The following XYLT1 variants were observed in gnomAD, a reference collection of about 807,000 sequenced individuals.
XYLT1 encodes beta-D-xylosyltransferase 1.
XYLT1 carries 36 observed loss-of-function variants against 91.3 expected under a neutral mutation model. The ratio of observed to expected loss-of-function variants is 0.39; its 90% CI spans 0.30 to 0.52. The LOEUF is 0.52. Ranked by LOEUF, XYLT1 falls within the 20% of genes least tolerant of loss-of-function variation. The probability of loss-of-function intolerance (pLI) is 0.68; values close to 1 mark genes in which losing one functional copy is unlikely to be tolerated. For synonymous variants in XYLT1, 588 were observed against 532.0 expected (o/e 1.11, Z -1.45); for missense variants, 1,242 against 1,284.5 (o/e 0.97, Z 0.51).
intron 6 of XYLT1, among the ~76,000 whole-genome samples, chr16:17,151,192 G>A (rs1320335087): frequency 6.6e-5 from 10 of 152,164 alleles, no homozygotes; most frequent in Non-Finnish European, 1.2e-4. Context: ...TTGGGAGGCC[G>A]AGGCAGGCGG....
intron 5 of XYLT1, among the ~76,000 whole-genome samples, chr16:17,160,958 A>G (rs1289844661): frequency 6.6e-6 from 1 of 152,148 alleles, no homozygotes; most frequent in Non-Finnish European, 1.5e-5. Context: ...ACAGTTCATT[A>G]TTGTTGTCCT....
At chr16:17,369,248 G>A (rs1007001130) in intron 1 of XYLT1, among the ~76,000 whole-genome samples, 39 of 151,346 alleles carry the variant, frequency 2.6e-4, no homozygotes, top group Non-Finnish European at 8.8e-5. Context: ...TCCTGCCTCA[G>A]ACTCCTGAGG....
chr16:17,235,354 A>G (rs1166002772), intron 3 of XYLT1, among the ~76,000 whole-genome samples: 1 of 137,142 alleles, frequency 7.3e-6, no homozygotes, highest in Non-Finnish European at 1.5e-5. Flanking sequence ...GAATGTGCTG[A>G]GCATGGTGCT....
chr16:17,263,574 G>A (rs759384387), intron 2 of XYLT1, among the ~76,000 whole-genome samples: 2 of 151,748 alleles, frequency 1.3e-5, no homozygotes, highest in Non-Finnish European at 2.9e-5. Flanking sequence ...ATACTAGATC[G>A]CTTCCAGAAA....
chr16:17,241,255 C>T (rs1478861368), intron 3 of XYLT1, among the ~76,000 whole-genome samples: 1 of 152,224 alleles, frequency 6.6e-6, no homozygotes, highest in African/African-American at 2.4e-5. Flanking sequence ...GTGTTCACGG[C>T]AATAAACAAG....
At chr16:17,120,310 C>T (rs1211562468) in intron 10 of XYLT1, among the ~76,000 whole-genome samples, 1 of 101,980 alleles carries the variant, frequency 9.8e-6, no homozygotes, top group African/African-American at 3.3e-5. Flanking sequence ...CTCTTGGTTT[C>T]TAAGTCCAGT....
At chr16:17,433,876 C>T (rs2036420577) in intron 1 of XYLT1, among the ~76,000 whole-genome samples, 1 of 152,110 alleles carries the variant, frequency 6.6e-6, no homozygotes. Flanking sequence ...TAACTCTGTT[C>T]CCCCACCCCC....
intron 6 of XYLT1, among the ~76,000 whole-genome samples, chr16:17,145,284 A>G: frequency 6.6e-6 from 1 of 152,170 alleles, no homozygotes; most frequent in East Asian, 1.9e-4. Context: ...TCATCCTTAA[A>G]TCTCAGTTTA....
chr16:17,136,480 C>T (rs1411785255), intron 8 of XYLT1, among the ~76,000 whole-genome samples: 6 of 152,140 alleles, frequency 3.9e-5, no homozygotes, highest in South Asian at 2.1e-4. Flanking sequence ...ATTTGGCTAC[C>T]GTCTAGCTGT....
At chr16:17,455,719 C>T (rs529636670) in intron 1 of XYLT1, among the ~76,000 whole-genome samples, 1 of 152,268 alleles carries the variant, frequency 6.6e-6, no homozygotes, top group South Asian at 2.1e-4. Context: ...CATCAGAATC[C>T]GGCCAGGCTA....
chr16:17,338,066 C>T (rs1195104966), intron 2 of XYLT1: 3 of 399,950 alleles, frequency 7.5e-6, no homozygotes, highest in Non-Finnish European at 1.5e-5. Context: ...CCGCACCCGG[C>T]CCCCGTTCTA....
intron 8 of XYLT1, among the ~76,000 whole-genome samples, chr16:17,137,847 T>C (rs2030801011): frequency 2.0e-5 from 3 of 152,220 alleles, no homozygotes; most frequent in Non-Finnish European, 2.9e-5. Context: ...GATGAGGGTT[T>C]CTCAACCAGA....
At chr16:17,155,182 G>A (rs2031374859) in intron 6 of XYLT1, among the ~76,000 whole-genome samples, 1 of 152,190 alleles carries the variant, frequency 6.6e-6, no homozygotes, top group Non-Finnish European at 1.5e-5. Context: ...ACACTCACTT[G>A]GGTGTGAGTC....
intron 1 of XYLT1, among the ~76,000 whole-genome samples, chr16:17,466,258 A>G (rs1163013656): frequency 6.6e-6 from 1 of 152,210 alleles, no homozygotes; most frequent in African/African-American, 2.4e-5. Context: ...GTCAAAAGAT[A>G]GAGACTCTCA....
chr16:17,116,075 G>A (rs1966851791), intron 11 of XYLT1, among the ~76,000 whole-genome samples: 1 of 151,292 alleles, frequency 6.6e-6, no homozygotes, highest in African/African-American at 2.4e-5. Context: ...TGTGTATTAT[G>A]TTTATGCTTT....
chr16:17,207,742 G>A (rs1023529308), intron 3 of XYLT1, among the ~76,000 whole-genome samples: 10 of 152,236 alleles, frequency 6.6e-5, no homozygotes, highest in East Asian at 5.8e-4. Context: ...GCTCTGCACC[G>A]CAGCTGCTGC....
At chr16:17,133,382 A>AAAT (rs1274719758) in intron 9 of XYLT1, among the ~76,000 whole-genome samples, 1 of 152,116 alleles carries the variant, frequency 6.6e-6, no homozygotes, top group Non-Finnish European at 1.5e-5. Context: ...TATCCTAAGG[A>AAAT]AATAATCAAA....
At chr16:17,362,914 T>C (rs974765710) in intron 1 of XYLT1, among the ~76,000 whole-genome samples, 2 of 152,228 alleles carry the variant, frequency 1.3e-5, no homozygotes, top group African/African-American at 4.8e-5. Context: ...GACATTTACA[T>C]GCTACCTTCT....
intron 3 of XYLT1, among the ~76,000 whole-genome samples, chr16:17,215,213 A>G (rs1850325222): frequency 6.6e-6 from 1 of 152,136 alleles, no homozygotes; most frequent in Non-Finnish European, 1.5e-5. Context: ...AAAATTAGCC[A>G]GGCATGGTGG....
Sources: allele counts gnomAD v4.1 joint callset (sites outside exome capture counted in the v4.1 genomes callset), GRCh38; gene constraint gnomAD v4.1.1; transcripts MANE v1.5; gene names NCBI Gene and HGNC (gene_info 2026-07-23, HGNC 2026-07-21).